Variants in CNOT6 observed in about 807,000 individuals in gnomAD.
CNOT6 encodes the protein carbon catabolite repression 4 protein.
Under a neutral mutation model 61.2 loss-of-function variants are expected in CNOT6, and 12 were observed. That is an observed-to-expected ratio of 0.20 (90% CI 0.13 to 0.32). The LOEUF is 0.32. Among genes scored for constraint, CNOT6 ranks in the 10% least tolerant of loss-of-function variants. CNOT6 has a pLI of 1.00. For missense variants in CNOT6, 405 were observed against 663.9 expected, an observed-to-expected ratio of 0.61 and a Z score of 4.28; for synonymous variants, 225 against 240.6, an observed-to-expected ratio of 0.94 and a Z score of 0.60.
intron 1 of CNOT6, among the ~76,000 whole-genome samples, chr5:180,506,224 G>A (rs753214414): frequency 9.9e-5 from 15 of 152,144 alleles, no homozygotes; most frequent in Non-Finnish European, 2.1e-4. Flanking sequence ...ATAAGATAAA[G>A]GTAGAATCTA....
chr5:180,558,370 T>G (rs1381007778), intron 4 of CNOT6, among the ~76,000 whole-genome samples: 5 of 152,118 alleles, frequency 3.3e-5, no homozygotes, highest in African/African-American at 1.2e-4. Flanking sequence ...GAGGCCCCTG[T>G]GGAGAGTGAG....
At chr5:180,551,406 A>G (rs1479104974) in intron 3 of CNOT6, among the ~76,000 whole-genome samples, 1 of 152,068 alleles carries the variant, frequency 6.6e-6, no homozygotes, top group Non-Finnish European at 1.5e-5. Context: ...GGTCATTGCT[A>G]TGTTTATTTT....
Position 180,569,347 on chromosome 5 carries a change from AAAT to A in CNOT6, c.1258+11_1258+13del. 3.2e-6 allele frequency: 5 copies of A among 1,548,892 alleles called. No individual in the cohort carries two copies. The highest frequency in any genetic ancestry group is 3.6e-6 in the Non-Finnish European group (4 of 1,122,656). On this transcript the variant is annotated splice_region_variant and intron_variant, in intron 10 of 11. Transcript: ENST00000261951. ...AATTCTTTGCCAGACTCTGGTAAGA[AAAT>A]AATGTGATTTTATGTAGAATATTTT... is the stretch of plus-strand genomic sequence containing the variant.
chr5:180,568,977 C>T, intron 9 of CNOT6, 133 bp from the exon 10 acceptor site: 1 of 655,488 alleles, frequency 1.5e-6, no homozygotes, highest in Non-Finnish European at 2.6e-6. Context: ...CACATTCAGT[C>T]ATCCGGTGGG....
intron 4 of CNOT6, 64 bp from the exon 5 acceptor site, chr5:180,564,425 A>C (rs1760348655): frequency 9.4e-7 from 1 of 1,069,220 alleles, no homozygotes. Context: ...ATTTTGATAC[A>C]TTTTAAAATT....
chr5:180,503,874 G>A (rs987725318), intron 1 of CNOT6, among the ~76,000 whole-genome samples: 9 of 152,044 alleles, frequency 5.9e-5, no homozygotes, highest in East Asian at 1.9e-4. Context: ...CAAAGTGCTG[G>A]GATTACAGGC....
chr5:180,555,004 A>G (rs965356700), intron 4 of CNOT6, among the ~76,000 whole-genome samples: 4 of 151,394 alleles, frequency 2.6e-5, no homozygotes, highest in Non-Finnish European at 5.9e-5. Flanking sequence ...ACCAGTCACA[A>G]ATTTGCTTTT....
chr5:180,571,496 A>G (rs1244729251), intron 11 of CNOT6, 64 bp downstream of exon 11: 1 of 1,160,288 alleles, frequency 8.6e-7, no homozygotes, highest in African/African-American at 1.5e-5. Context: ...CTGATACATC[A>G]TTATGTCTTT....
At chr5:180,560,417 C>G (rs1217555066) in intron 4 of CNOT6, among the ~76,000 whole-genome samples, 25 of 151,804 alleles carry the variant, frequency 1.6e-4, no homozygotes. Context: ...CTGCTGGCAG[C>G]AGATTCTGTT....
chr5:180,505,723 A>AT (rs1325121807), intron 1 of CNOT6, among the ~76,000 whole-genome samples: 2 of 146,700 alleles, frequency 1.4e-5, no homozygotes, highest in Non-Finnish European at 3.0e-5. Flanking sequence ...AATTTTTTGT[A>AT]TTTTTTAGTA....
chr5:180,516,613 C>T (rs1349047588), intron 1 of CNOT6, among the ~76,000 whole-genome samples: 3 of 152,076 alleles, frequency 2.0e-5, no homozygotes, highest in Non-Finnish European at 4.4e-5. Context: ...AACAAAAAAC[C>T]ACATTTTTAT....
intron 1 of CNOT6, among the ~76,000 whole-genome samples, chr5:180,519,707 T>C (rs569598655): frequency 6.6e-6 from 1 of 152,258 alleles, no homozygotes; most frequent in Non-Finnish European, 1.5e-5. Context: ...TGGAATCTCT[T>C]GGGTCTCTTA....
rs1761073006 is a variant in CNOT6 at position 180,577,766 on chromosome 5, G to A, written c.*3566G>A. 2 of 152,562 alleles carry A rather than the reference G, an allele frequency of 1.3e-5. No individual in the cohort carries two copies. The highest frequency in any genetic ancestry group is 6.5e-5 in the Admixed American group (1 of 15,276). 9.5% of individuals were successfully genotyped at this position (152,562 alleles called of 1,614,324 possible). On this transcript the variant is annotated 3_prime_UTR_variant, in exon 12 of 12. Transcript: ENST00000261951. ...TATAAGCTCAAAGAATGTCACATCCGCCCAGACAGCTCTTTGATGAGGGTG... is the reference window on the plus strand; with the variant it reads ...TATAAGCTCAAAGAATGTCACATCCACCCAGACAGCTCTTTGATGAGGGTG...
intron 2 of CNOT6, among the ~76,000 whole-genome samples, chr5:180,532,084 T>G (rs1758420985): frequency 6.6e-6 from 1 of 152,186 alleles, no homozygotes; most frequent in Non-Finnish European, 1.5e-5. Flanking sequence ...GAGTGAAATT[T>G]CTCTTCTTCT....
chr5:180,522,811 AC>A (rs1490770244), intron 1 of CNOT6, among the ~76,000 whole-genome samples: 2 of 151,950 alleles, frequency 1.3e-5, no homozygotes, highest in African/African-American at 4.8e-5. Context: ...GAAGCTCTGC[AC>A]CCCTGCGCTG....
intron 9 of CNOT6, among the ~76,000 whole-genome samples, chr5:180,568,895 C>T (rs1561666514): frequency 6.6e-6 from 1 of 152,114 alleles, no homozygotes; most frequent in Non-Finnish European, 1.5e-5. Flanking sequence ...TATTTTTGTA[C>T]AAGTAGTGAA....
intron 4 of CNOT6, among the ~76,000 whole-genome samples, chr5:180,563,014 A>G (rs968107747): frequency 6.6e-6 from 1 of 152,226 alleles, no homozygotes; most frequent in Non-Finnish European, 1.5e-5. Flanking sequence ...CACTTAGAGC[A>G]GCACATTTTT....
In CNOT6 at chr5:180,513,495, T is replaced by A. The variant is rs375661423; in HGVS notation, c.-2-15780T>A. Among the ~76,000 whole-genome samples, 33 of 151,648 alleles carry A rather than the reference T, an allele frequency of 2.2e-4. No individual in the cohort carries two copies. In the East Asian group the frequency reaches 4.9e-3, roughly 22 times the overall value. On this transcript the variant is annotated intron_variant, in intron 1 of 11. Transcript: ENST00000261951. ...GATTCTCCTGCCTCAGCTTCCCTAC[T>A]CTTAGAGTAGCTGGGATACAGTCGC...
intron 1 of CNOT6, among the ~76,000 whole-genome samples, chr5:180,514,313 T>C (rs1047200920): frequency 9.9e-5 from 15 of 152,024 alleles, no homozygotes. Flanking sequence ...TCCCATCTAC[T>C]CGGGAGGCTG....
Sources: allele counts gnomAD v4.1 joint callset (sites outside exome capture counted in the v4.1 genomes callset), GRCh38; gene constraint gnomAD v4.1.1; transcripts MANE v1.5; gene names NCBI Gene and HGNC (gene_info 2026-07-23, HGNC 2026-07-21).